Variants in BRIP1 observed in about 807,000 individuals in gnomAD.
BRIP1 encodes the protein Fanconi anemia group J protein.
BRIP1 carries 88 observed loss-of-function variants against 119.7 expected under a neutral mutation model. The ratio of observed to expected loss-of-function variants is 0.74; its 90% CI spans 0.62 to 0.88. The LOEUF (loss-of-function observed/expected upper bound fraction) is 0.88, where lower values mean the gene tolerates loss of function less well. Ranked by LOEUF, BRIP1 falls within the 40% of genes least tolerant of loss-of-function variation. The probability of loss-of-function intolerance (pLI) is 0.00; values close to 1 mark genes in which losing one functional copy is unlikely to be tolerated. For missense variants in BRIP1, 1,259 were observed against 1,455.4 expected (o/e 0.87, Z 2.20); for synonymous variants, 443 against 496.5 (o/e 0.89, Z 1.43).
At chr17:61,714,339 G>A (rs1197300367) in intron 17 of BRIP1, among the ~76,000 whole-genome samples, 1 of 152,044 alleles carries the variant, frequency 6.6e-6, no homozygotes, top group Non-Finnish European at 1.5e-5. Flanking sequence ...AGCTCTATTC[G>A]TGGTAAGTGC....
Position 61,759,207 on chromosome 17 carries a change from G to A in BRIP1, c.2098-14616C>T, listed in dbSNP as rs778898883. 2.0e-5 allele frequency among the ~76,000 whole-genome samples: 3 copies of A among 152,034 alleles called. No individual in the cohort carries two copies. Among genetic ancestry groups the A allele is most frequent in the Non-Finnish European group, 4.4e-5 (3 of 67,994 alleles). On this transcript the variant is annotated intron_variant, in intron 14 of 19. Coordinates refer to ENST00000259008, the MANE Select transcript of BRIP1 (RefSeq NM_032043.3). The surrounding 1 kb of genome is among the most constrained non-coding windows in gnomAD (Gnocchi z 4.9). Reference sequence around the variant, plus strand: ...AGAGATTTGCTTTTAAGGATGCACAGAGGCTGAAAGTGAGCAGCTGAAAAA... The same window carrying A: ...AGAGATTTGCTTTTAAGGATGCACAAAGGCTGAAAGTGAGCAGCTGAAAAA...
In BRIP1 at chr17:61,701,079, G is replaced by C. The variant is rs1028390666; in HGVS notation, c.2493-7567C>G. ...ATTCTCACAGTTTTTGACACAGTTT[G>C]CTTAGTTATTGAATGTATTTGAACT... On this transcript the variant is annotated intron_variant, in intron 17 of 19. Transcript: ENST00000259008. The surrounding 1 kb of genome is among the most constrained non-coding windows in gnomAD (Gnocchi z 5.1). Among the ~76,000 whole-genome samples the C allele has an allele frequency of 1.3e-5, 2 of 152,094 alleles. No homozygotes were observed. The highest frequency in any genetic ancestry group is 4.8e-5 in the African/African-American group (2 of 41,430).
rs139983419 is a variant in BRIP1, at chr17:61,837,019, C to A, written c.627+10082G>T. Among the ~76,000 whole-genome samples, 567 of 152,230 alleles carry A rather than the reference C, an allele frequency of 3.7e-3. 3 individuals carry two copies. The highest frequency in any genetic ancestry group is 0.013 in the African/African-American group (534 of 41,530). On this transcript the variant is annotated intron_variant, in intron 6 of 19. Transcript: ENST00000259008. ...ATACTCTGTGGCTCAGTTTCCTCAG[C>A]TATAATTGCGGAAAATATTAATACC...
chr17:61,808,565 T>C lies in BRIP1; in HGVS notation c.820A>G (p.Thr274Ala), dbSNP rs62620988. The change falls in exon 7 of 20, where the codon ACT becomes GCT. Residue 274 changes from threonine (T) to alanine (A), a missense_variant. Transcript: ENST00000259008. The surrounding 1 kb of genome is among the most constrained non-coding windows in gnomAD (Gnocchi z 4.1). ...GTATGATCCCTGCTGGAAAGAATAG[T>C]CATTGGAACCCCTGAATATGCCGTC... ...RRTAYSGVPMTILSSRDHTCV... is the reference protein window; with the variant it reads ...RRTAYSGVPMAILSSRDHTCV... The C allele has an allele frequency of 1.3e-5, 21 of 1,613,624 alleles. No homozygotes were observed. Among genetic ancestry groups the C allele is most frequent in the Non-Finnish European group, 1.6e-5 (19 of 1,179,666 alleles).
At position 61,745,039 on chromosome 17, in the gene BRIP1, T is replaced by G. The variant is rs2077041763; in HGVS notation, c.2098-448A>C. ...TCTTTAAACCTAAGGTGAAGTTTCT[T>G]AATATTCTTAAATAGTCTTCAAATG... is the stretch of plus-strand genomic sequence containing the variant. On this transcript the variant is annotated intron_variant, in intron 14 of 19. Transcript: ENST00000259008. The surrounding 1 kb of genome is among the most constrained non-coding windows in gnomAD (Gnocchi z 4.4). Among the ~76,000 whole-genome samples the G allele has an allele frequency of 6.6e-6, 1 of 152,206 alleles. No homozygotes were observed. The highest frequency in any genetic ancestry group is 1.5e-5 in the Non-Finnish European group (1 of 68,030).
At position 61,757,707 on chromosome 17, in the gene BRIP1, A is replaced by G. The variant is rs1368045500; in HGVS notation, c.2098-13116T>C. Among the ~76,000 whole-genome samples, 1 of 152,218 alleles carries G rather than the reference A, an allele frequency of 6.6e-6. No homozygotes were observed. The highest frequency in any genetic ancestry group is 2.4e-5 in the African/African-American group (1 of 41,468). ...TACTTTCCTGAAATCATGTGAAAAG[A>G]AAACAATAAAAGCCAGACGCGGTGG... On this transcript the variant is annotated intron_variant, in intron 14 of 19. Transcript: ENST00000259008. The surrounding 1 kb of genome is among the most constrained non-coding windows in gnomAD (Gnocchi z 4.3).
rs758270108 is a variant in BRIP1 at position 61,859,871 on chromosome 17, A to G, written c.130T>C (p.Leu44=). 17 of 1,613,878 alleles carry G rather than the reference A, an allele frequency of 1.1e-5. No individual in the cohort carries two copies. The highest frequency in any genetic ancestry group is 1.4e-5 in the Non-Finnish European group (17 of 1,179,782). ...RGLNSKQHCL[L]ESPTGSGKSL... ...TTTCCACTTCCTGTGGGACTCTCCA[A>G]CAAACAATGTTGCTTGCTGTTTAAT... is the stretch of plus-strand genomic sequence containing the variant. The change falls in exon 3 of 20, where the codon TTG becomes CTG. Residue 44 remains leucine, a synonymous_variant. Coordinates refer to ENST00000259008, the MANE Select transcript of BRIP1 (RefSeq NM_032043.3).
In BRIP1 at chr17:61,717,515, T is replaced by C. The variant is rs2061898363; in HGVS notation, c.2380-1452A>G. 6.6e-6 allele frequency among the ~76,000 whole-genome samples: 1 copy of C among 152,156 alleles called. No homozygotes were observed. The highest frequency in any genetic ancestry group is 1.5e-5 in the Non-Finnish European group (1 of 67,998). On this transcript the variant is annotated intron_variant, in intron 16 of 19. Coordinates refer to ENST00000259008, the MANE Select transcript of BRIP1 (RefSeq NM_032043.3). The surrounding 1 kb of genome is among the most constrained non-coding windows in gnomAD (Gnocchi z 4.1). ...GTCCCACTTGATCAAGAATTCTAAA[T>C]TGACAGGTTTTTTCTTTTGTTAAAG...
rs2061331475 is a variant in BRIP1, at chr17:61,684,452, GA to G, written c.2906-313del. 6.6e-6 allele frequency among the ~76,000 whole-genome samples: 1 copy of G among 152,096 alleles called. No homozygotes were observed. The highest frequency in any genetic ancestry group is 2.4e-5 in the African/African-American group (1 of 41,426). ...GAGGAAGGGAGCTGAGGAAAGGAGGGAACAGGCTGTAAACATTTGCCTTGAA... is the reference window on the plus strand; with the variant it reads ...GAGGAAGGGAGCTGAGGAAAGGAGGGACAGGCTGTAAACATTTGCCTTGAA... On this transcript the variant is annotated intron_variant, in intron 19 of 19. Transcript: ENST00000259008. This position sits in a 1 kb window ranked among gnomAD's most constrained non-coding sequence, Gnocchi z 4.5.
rs1261634963 is a variant in BRIP1 at position 61,720,126 on chromosome 17, G to A, written c.2380-4063C>T. Among the ~76,000 whole-genome samples the A allele has an allele frequency of 6.6e-6, 1 of 152,122 alleles. No homozygotes were observed. Among genetic ancestry groups the A allele is most frequent in the Non-Finnish European group, 1.5e-5 (1 of 68,026 alleles). Reference sequence around the variant, plus strand: ...GCTAGGAATACAGGCATGAGCCACTGCGTCTGGCTGAGATTTGTTAAAGGA... The same window carrying A: ...GCTAGGAATACAGGCATGAGCCACTACGTCTGGCTGAGATTTGTTAAAGGA... On this transcript the variant is annotated intron_variant, in intron 16 of 19. Transcript: ENST00000259008. The surrounding 1 kb of genome is among the most constrained non-coding windows in gnomAD (Gnocchi z 4.3).
rs764711572 is a variant in BRIP1, at chr17:61,799,242, C to A, written c.1198G>T (p.Asp400Tyr). ...TAACTTGCTGATTCCCGAGCACAGTCCTCGATGTTATGAGCTTCATCTAAA... is the reference window on the plus strand; with the variant it reads ...TAACTTGCTGATTCCCGAGCACAGTACTCGATGTTATGAGCTTCATCTAAA... ...VILDEAHNIEDCARESASYSV... is the reference protein window; with the variant it reads ...VILDEAHNIEYCARESASYSV... Residue 400 changes from aspartate to tyrosine, a missense_variant, in exon 9 of 20, where the codon GAC becomes TAC. Around this residue, in one of 3 missense-constraint regions of BRIP1, gnomAD observed 501 missense variants for 544.0 expected, o/e 0.92. Coordinates refer to ENST00000259008, the MANE Select transcript of BRIP1 (RefSeq NM_032043.3). The surrounding 1 kb of genome is among the most constrained non-coding windows in gnomAD (Gnocchi z 5.1). 1.1e-5 allele frequency: 18 copies of A among 1,613,588 alleles called. No individual in the cohort carries two copies. In the Middle Eastern group the frequency reaches 4.9e-4, roughly 44 times the overall value.
chr17:61,747,172 A>G (rs987951039), intron 14 of BRIP1, among the ~76,000 whole-genome samples: 2 of 152,182 alleles, frequency 1.3e-5, no homozygotes, highest in Non-Finnish European at 2.9e-5. Flanking sequence ...CAAGTAAGAA[A>G]TACACCAAAA....
rs1567825391 is a variant in BRIP1 at position 61,793,736 on chromosome 17, TA to T, written c.1341-8del. ...AGCGTTTGCTTCTAACCAACTGAAA[TA>T]AAATAAAACAATTGTGTCAACCAGT... is the stretch of plus-strand genomic sequence containing the variant. On this transcript the variant is annotated splice_region_variant and splice_polypyrimidine_tract_variant and intron_variant, in intron 9 of 19. Coordinates refer to ENST00000259008, the MANE Select transcript of BRIP1 (RefSeq NM_032043.3). This position sits in a 1 kb window ranked among gnomAD's most constrained non-coding sequence, Gnocchi z 5.2. 6.2e-7 allele frequency: 1 copy of T among 1,607,792 alleles called. No homozygotes were observed. Among genetic ancestry groups the T allele is most frequent in the Admixed American group, 1.7e-5 (1 of 59,744 alleles).
Position 61,824,635 on chromosome 17 carries a change from A to G in BRIP1, c.628-15878T>C, listed in dbSNP as rs2078377933. On this transcript the variant is annotated intron_variant, in intron 6 of 19. Transcript: ENST00000259008. The surrounding 1 kb of genome is among the most constrained non-coding windows in gnomAD (Gnocchi z 4.3). ...ACAAACAATGAAGTTGCACCATTAT[A>G]ATATATGGAAAAATTAACTCTACAT... is the stretch of plus-strand genomic sequence containing the variant. Among the ~76,000 whole-genome samples, 1 of 152,204 alleles carries G rather than the reference A, an allele frequency of 6.6e-6. No homozygotes were observed. The highest frequency in any genetic ancestry group is 2.4e-5 in the African/African-American group (1 of 41,450).
rs549580805 is a variant in BRIP1 at position 61,745,866 on chromosome 17, T to C, written c.2098-1275A>G. 6.6e-6 allele frequency among the ~76,000 whole-genome samples: 1 copy of C among 152,320 alleles called. No individual in the cohort carries two copies. The highest frequency in any genetic ancestry group is 1.9e-4 in the East Asian group (1 of 5,196). ...GTCAAAATAAAAGAATCAAGTATTC[T>C]TTCCAAGAAGCTAGAAAATGAAATA... On this transcript the variant is annotated intron_variant, in intron 14 of 19. Coordinates refer to ENST00000259008, the MANE Select transcript of BRIP1 (RefSeq NM_032043.3). The surrounding 1 kb of genome is among the most constrained non-coding windows in gnomAD (Gnocchi z 4.4).
chr17:61,808,808 C>G lies in BRIP1; in HGVS notation c.628-51G>C, dbSNP rs182295571. 6 of 1,552,064 alleles carry G rather than the reference C, an allele frequency of 3.9e-6. No homozygotes were observed. Among genetic ancestry groups the G allele is most frequent in the South Asian group, 1.1e-5 (1 of 89,404 alleles). ...CTAATATCTAAACTACCATAAAAAA[C>G]GTTATCAAACCTCACATGGAATCAG... On this transcript the variant is annotated intron_variant, in intron 6 of 19. Coordinates refer to ENST00000259008, the MANE Select transcript of BRIP1 (RefSeq NM_032043.3). The surrounding 1 kb of genome is among the most constrained non-coding windows in gnomAD (Gnocchi z 4.1).
Position 61,704,363 on chromosome 17 carries a change from C to T in BRIP1, c.2493-10851G>A, listed in dbSNP as rs1467816873. ...AGATTATGTAAAATTTGTGTTATTT[C>T]TTCTTTAAATGTTTGGTAATATTTG... On this transcript the variant is annotated intron_variant, in intron 17 of 19. Coordinates refer to ENST00000259008, the MANE Select transcript of BRIP1 (RefSeq NM_032043.3). The surrounding 1 kb of genome is among the most constrained non-coding windows in gnomAD (Gnocchi z 5.7). Among the ~76,000 whole-genome samples, 1 of 151,922 alleles carries T rather than the reference C, an allele frequency of 6.6e-6. No homozygotes were observed. The highest frequency in any genetic ancestry group is 2.1e-4 in the South Asian group (1 of 4,824).
At chr17:61,696,999 A>T (rs528390072) in intron 17 of BRIP1, among the ~76,000 whole-genome samples, 1 of 148,896 alleles carries the variant, frequency 6.7e-6, no homozygotes, top group Admixed American at 6.7e-5. Flanking sequence ...AAAAAAAAAA[A>T]AAAAGGGGGG....
chr17:61,859,688 A>G (rs1261013127), intron 3 of BRIP1, 108 bp downstream of exon 3: 11 of 748,894 alleles, frequency 1.5e-5, no homozygotes, highest in Non-Finnish European at 2.6e-5. Flanking sequence ...TCTTTAAACA[A>G]ATATTTAAGT....
Sources: allele counts gnomAD v4.1 joint callset (sites outside exome capture counted in the v4.1 genomes callset), GRCh38; gene constraint gnomAD v4.1.1; regional missense constraint gnomAD v4.1.1; non-coding constraint Gnocchi (gnomAD v3.1); transcripts MANE v1.5; gene names NCBI Gene and HGNC (gene_info 2026-07-23, HGNC 2026-07-21).